Variants in PDIA5 observed in about 807,000 individuals in gnomAD.
PDIA5 encodes the protein protein disulfide-isomerase A5.
PDIA5 carries 58 observed loss-of-function variants against 77.6 expected under a neutral mutation model. That is an observed-to-expected ratio of 0.75 (90% CI 0.61 to 0.93). The LOEUF is 0.93. Ranked by LOEUF, PDIA5 falls within the 40% of genes least tolerant of loss-of-function variation. The pLI, the probability that PDIA5 is intolerant of heterozygous loss-of-function variation, is 0.00. For missense variants in PDIA5, 630 were observed against 647.7 expected (o/e 0.97, Z 0.30); for synonymous variants, 250 against 252.1 (o/e 0.99, Z 0.08).
At chr3:123,093,545 T>C (rs1428058093) in intron 3 of PDIA5, among the ~76,000 whole-genome samples, 1 of 152,112 alleles carries the variant, frequency 6.6e-6, no homozygotes, top group African/African-American at 2.4e-5. Context: ...TTATGAGGCT[T>C]GTAGGTGGCA....
At chr3:123,097,726 G>C (rs1279231760) in intron 3 of PDIA5, among the ~76,000 whole-genome samples, 1 of 151,300 alleles carries the variant, frequency 6.6e-6, no homozygotes, top group Non-Finnish European at 1.5e-5. Context: ...TCCTTGAAGT[G>C]AGGGCACTTT....
At chr3:123,149,596 T>C (rs1438088485) in intron 13 of PDIA5, among the ~76,000 whole-genome samples, 2 of 152,182 alleles carry the variant, frequency 1.3e-5, no homozygotes, top group African/African-American at 4.8e-5. Context: ...ATAACATTTA[T>C]CCAATGCCTG....
intron 3 of PDIA5, among the ~76,000 whole-genome samples, chr3:123,098,797 C>G (rs112196239): frequency 2.6e-5 from 4 of 152,298 alleles, no homozygotes; most frequent in African/African-American, 9.6e-5. Flanking sequence ...AGCCCTTTCT[C>G]CATGACCCAT....
At chr3:123,100,790 T>C (rs777427491) in intron 3 of PDIA5, among the ~76,000 whole-genome samples, 1 of 152,102 alleles carries the variant, frequency 6.6e-6, no homozygotes, top group Non-Finnish European at 1.5e-5. Context: ...TTGAGCTGAG[T>C]GGTTTAATTA....
intron 1 of PDIA5, among the ~76,000 whole-genome samples, chr3:123,080,942 A>G (rs756524524): frequency 9.9e-5 from 15 of 151,776 alleles, no homozygotes; most frequent in Non-Finnish European, 1.6e-4. Context: ...CAAGGTGGCT[A>G]CTTGAGTTCC....
chr3:123,091,525 G>C (rs1192341642), intron 2 of PDIA5, among the ~76,000 whole-genome samples: 1 of 152,196 alleles, frequency 6.6e-6, no homozygotes, highest in Non-Finnish European at 1.5e-5. Context: ...CAGGCTGGCA[G>C]TGCTGAAATC....
intron 11 of PDIA5, among the ~76,000 whole-genome samples, chr3:123,140,084 G>A (rs1935589253): frequency 6.6e-6 from 1 of 152,194 alleles, no homozygotes; most frequent in Admixed American, 6.5e-5. Flanking sequence ...AAGCCTGAGT[G>A]GCTGATGTAA....
chr3:123,129,044 G>A (rs900413428), intron 10 of PDIA5, among the ~76,000 whole-genome samples: 10 of 135,878 alleles, frequency 7.4e-5, no homozygotes, highest in African/African-American at 2.2e-4. Context: ...TACCTAACCC[G>A]TCCTTCCAAT....
chr3:123,142,345 A>G (rs1286495131), intron 11 of PDIA5, among the ~76,000 whole-genome samples: 2 of 152,268 alleles, frequency 1.3e-5, no homozygotes, highest in African/African-American at 4.8e-5. Flanking sequence ...ATCGGTGTGT[A>G]AAATTGTTTC....
chr3:123,105,020 C>A (rs772628769), intron 5 of PDIA5, among the ~76,000 whole-genome samples: 1 of 152,296 alleles, frequency 6.6e-6, no homozygotes, highest in Non-Finnish European at 1.5e-5. Flanking sequence ...TCAGTTGTTA[C>A]GTTAAAAGGC....
At chr3:123,093,821 A>C (rs891298544) in intron 3 of PDIA5, among the ~76,000 whole-genome samples, 1 of 152,186 alleles carries the variant, frequency 6.6e-6, no homozygotes, top group Non-Finnish European at 1.5e-5. Flanking sequence ...GAGGCGGTCG[A>C]GTTCACATTT....
rs894660068 is a variant in PDIA5, at chr3:123,101,499, G to C, written c.258-912G>C. Among the ~76,000 whole-genome samples the C allele has an allele frequency of 2.6e-5, 4 of 152,168 alleles. No homozygotes were observed. In the East Asian group the frequency reaches 5.8e-4, roughly 22 times the overall value. On this transcript the variant is annotated intron_variant, in intron 3 of 16. Coordinates refer to ENST00000316218, the MANE Select transcript of PDIA5 (RefSeq NM_006810.4). ...TAATATCCCAGATGCCAAGGGAGGG[G>C]CTCCTTTAACCACAGCCTGGCCCTT...
chr3:123,074,148 C>A (rs746283887), intron 1 of PDIA5, among the ~76,000 whole-genome samples: 32 of 152,340 alleles, frequency 2.1e-4, no homozygotes, highest in Non-Finnish European at 3.2e-4. Context: ...TCAACAGATA[C>A]TTCTTTTTTT....
chr3:123,068,773 G>C (rs1576428238), intron 1 of PDIA5, among the ~76,000 whole-genome samples: 1 of 152,232 alleles, frequency 6.6e-6, no homozygotes, highest in South Asian at 2.1e-4. Flanking sequence ...CTGCCGTCTG[G>C]TGTTGCCCTG....
In PDIA5 at chr3:123,067,169, C is replaced by T; in HGVS notation, c.5C>T (p.Ala2Val). 2.4e-6 allele frequency: 3 copies of T among 1,246,394 alleles called. No homozygotes were observed. Among genetic ancestry groups the T allele is most frequent in the Non-Finnish European group, 2.0e-6 (2 of 990,452 alleles). 77.2% of individuals were successfully genotyped at this position (1,246,394 alleles called of 1,614,324 possible). A position where few individuals can be genotyped will look rare whatever the true frequency, so the allele number is the denominator to read the frequency against. The change falls in exon 1 of 17, where the codon GCG (alanine) becomes GTG (valine). Residue 2 changes from alanine (A) to valine (V), a missense_variant. Transcript: ENST00000316218. Reference sequence around the variant, plus strand: ...GCGGTGGGCAGCGCTGCTGGGATGGCGCGGGCCGGGCCGGCGTGGCTGCTG... The same window carrying T: ...GCGGTGGGCAGCGCTGCTGGGATGGTGCGGGCCGGGCCGGCGTGGCTGCTG... The part of the protein sequence containing the change: M[A>V]RAGPAWLLLA...
chr3:123,106,254 A>G (rs1353354778), intron 5 of PDIA5, among the ~76,000 whole-genome samples: 2 of 152,232 alleles, frequency 1.3e-5, no homozygotes, highest in Non-Finnish European at 2.9e-5. Flanking sequence ...TGAAATACCA[A>G]GCAGGTCATA....
At chr3:123,152,575 T>A (rs1935938072) in intron 14 of PDIA5, among the ~76,000 whole-genome samples, 1 of 152,216 alleles carries the variant, frequency 6.6e-6, no homozygotes, top group Admixed American at 6.5e-5. Context: ...ACTTTTTATA[T>A]ATGAAGGATC....
intron 6 of PDIA5, among the ~76,000 whole-genome samples, chr3:123,108,230 G>C (rs1934781802): frequency 6.6e-6 from 1 of 151,598 alleles, no homozygotes; most frequent in Admixed American, 6.6e-5. Context: ...TAAGGACTGG[G>C]CACAACATTC....
intron 11 of PDIA5, among the ~76,000 whole-genome samples, chr3:123,143,381 CATCTCAAAAAAAAAAAAAAA>C: frequency 9.9e-6 from 1 of 100,518 alleles, no homozygotes; most frequent in Middle Eastern, 5.2e-3. Flanking sequence ...AGCGAGACTC[CATCTCAAAAAAAAAAAAAAA>C]AAAGAGAGGC....
Sources: gnomAD v4.1 joint callset for allele counts (sites outside exome capture counted in the v4.1 genomes callset) on GRCh38, gnomAD v4.1.1 for gene constraint, MANE v1.5 for transcripts, NCBI Gene and HGNC (gene_info 2026-07-23, HGNC 2026-07-21) for gene names.